ADAMTSL1: variants seen among roughly 807,000 people sequenced by gnomAD.
ADAMTSL1 encodes ADAMTS like 1.
ADAMTSL1 carries 126 observed loss-of-function variants against 201.8 expected under a neutral mutation model. The ratio of observed to expected loss-of-function variants is 0.62; its 90% CI spans 0.54 to 0.72. The LOEUF (loss-of-function observed/expected upper bound fraction) is 0.72, where lower values mean the gene tolerates loss of function less well. Ranked by LOEUF, ADAMTSL1 falls within the 30% of genes least tolerant of loss-of-function variation. The pLI, the probability that ADAMTSL1 is intolerant of heterozygous loss-of-function variation, is 0.00. For missense variants in ADAMTSL1, 2,679 were observed against 2,277.8 expected, an observed-to-expected ratio of 1.18 and a Z score of -3.59; for synonymous variants, 1,121 against 903.4, an observed-to-expected ratio of 1.24 and a Z score of -4.32.
intron 1 of ADAMTSL1, among the ~76,000 whole-genome samples, chr9:18,096,150 A>G (rs1193003798): frequency 1.3e-5 from 2 of 152,182 alleles, no homozygotes; most frequent in Non-Finnish European, 2.9e-5. Flanking sequence ...TAACAGCATC[A>G]TGTAAGTAAT....
chr9:18,374,767 A>G (rs1837208807), intron 2 of ADAMTSL1, among the ~76,000 whole-genome samples: 1 of 152,230 alleles, frequency 6.6e-6, no homozygotes, highest in Non-Finnish European at 1.5e-5. Context: ...ATGGTTTTAA[A>G]AAGCAGTAGG....
chr9:18,041,878 T>G (rs538599834), intron 1 of ADAMTSL1, among the ~76,000 whole-genome samples: 2 of 152,288 alleles, frequency 1.3e-5, no homozygotes, highest in African/African-American at 4.8e-5. Context: ...TTGCTATTCA[T>G]ACATCTGATT....
At chr9:17,923,460 A>G (rs1268280720) in intron 1 of ADAMTSL1, among the ~76,000 whole-genome samples, 4 of 151,204 alleles carry the variant, frequency 2.6e-5, no homozygotes, top group Non-Finnish European at 5.9e-5. Flanking sequence ...GTTGGTGTAT[A>G]AGAATGCTTG....
chr9:18,778,239 G>A (rs1821179262), intron 19 of ADAMTSL1, among the ~76,000 whole-genome samples: 1 of 152,214 alleles, frequency 6.6e-6, no homozygotes, highest in Non-Finnish European at 1.5e-5. Context: ...TCCAGGCCAA[G>A]GCATTATTAT....
chr9:18,428,105 G>A (rs543966631), intron 2 of ADAMTSL1, among the ~76,000 whole-genome samples: 7 of 152,172 alleles, frequency 4.6e-5, no homozygotes, highest in Admixed American at 2.0e-4. Context: ...ATCCAAGCAT[G>A]GTAAAGCAAT....
At chr9:18,134,526 G>T (rs1427886879) in intron 1 of ADAMTSL1, among the ~76,000 whole-genome samples, 1 of 152,106 alleles carries the variant, frequency 6.6e-6, no homozygotes, top group African/African-American at 2.4e-5. Flanking sequence ...AATTTGTTGA[G>T]ATGAGTTAAG....
At chr9:18,381,576 T>TAGA (rs1345352240) in intron 2 of ADAMTSL1, among the ~76,000 whole-genome samples, 1 of 152,164 alleles carries the variant, frequency 6.6e-6, no homozygotes, top group Non-Finnish European at 1.5e-5. Flanking sequence ...ATTGGGTTAA[T>TAGA]AGAACAGAAG....
chr9:18,876,798 C>T (rs1271313748), intron 23 of ADAMTSL1, among the ~76,000 whole-genome samples: 1 of 152,170 alleles, frequency 6.6e-6, no homozygotes, highest in East Asian at 1.9e-4. Context: ...GTCTAGATGT[C>T]TAGCAAGGTC....
At chr9:18,341,174 C>G (rs1488965761) in intron 2 of ADAMTSL1, among the ~76,000 whole-genome samples, 2 of 152,120 alleles carry the variant, frequency 1.3e-5, no homozygotes, top group East Asian at 3.9e-4. Context: ...TAAACCCAGA[C>G]TCCTACATGA....
chr9:18,336,774 G>C (rs928201033), intron 2 of ADAMTSL1, among the ~76,000 whole-genome samples: 1 of 152,066 alleles, frequency 6.6e-6, no homozygotes, highest in African/African-American at 2.4e-5. Flanking sequence ...TGTTGGACTA[G>C]ATTTTAGATT....
At chr9:18,154,249 C>A (rs190108650) in intron 1 of ADAMTSL1, among the ~76,000 whole-genome samples, 1 of 151,992 alleles carries the variant, frequency 6.6e-6, no homozygotes, top group African/African-American at 2.4e-5. Context: ...CCAACCCAAA[C>A]GTAGTGGTTT....
At chr9:17,946,077 TG>T (rs1489208604) in intron 1 of ADAMTSL1, among the ~76,000 whole-genome samples, 2 of 30,260 alleles carry the variant, frequency 6.6e-5, no homozygotes, top group Non-Finnish European at 1.6e-4. Context: ...TGTGTGTGTG[TG>T]TGTGTGTGTG....
intron 15 of ADAMTSL1, among the ~76,000 whole-genome samples, chr9:18,745,676 A>C (rs1272475360): frequency 6.6e-6 from 1 of 152,244 alleles, no homozygotes; most frequent in East Asian, 1.9e-4. Flanking sequence ...AGTTGTATAT[A>C]CTCATTTATA....
chr9:18,543,227 T>C (rs1188213163), intron 3 of ADAMTSL1, among the ~76,000 whole-genome samples: 2 of 152,184 alleles, frequency 1.3e-5, no homozygotes. Context: ...TTATAGGACA[T>C]TGTGGTTTGT....
chr9:18,737,937 C>T (rs1291157427), intron 15 of ADAMTSL1, among the ~76,000 whole-genome samples: 2 of 152,158 alleles, frequency 1.3e-5, no homozygotes, highest in Non-Finnish European at 2.9e-5. Context: ...CTTACTGTGT[C>T]CTTGAGCAAG....
intron 2 of ADAMTSL1, among the ~76,000 whole-genome samples, chr9:18,269,815 ACT>A (rs1354830486): frequency 6.7e-6 from 1 of 148,748 alleles, no homozygotes; most frequent in Non-Finnish European, 1.5e-5. Flanking sequence ...AAAGGGGGAA[ACT>A]CTGCAGAGAG....
At chr9:18,603,389 T>C (rs532989570) in intron 4 of ADAMTSL1, among the ~76,000 whole-genome samples, 29 of 130,280 alleles carry the variant, frequency 2.2e-4, no homozygotes, top group African/African-American at 7.6e-4. Context: ...TGCTATGCTA[T>C]GCTATGCTAT....
chr9:17,919,237 A>AT (rs1826214981), intron 1 of ADAMTSL1, among the ~76,000 whole-genome samples: 1 of 150,840 alleles, frequency 6.6e-6, no homozygotes, highest in African/African-American at 2.4e-5. Flanking sequence ...CATTATTATT[A>AT]TTTTTTCTAG....
At position 18,581,020 on chromosome 9, in the gene ADAMTSL1, A is replaced by G. The variant is rs559718744; in HGVS notation, c.474+6754A>G. On this transcript the variant is annotated intron_variant, in intron 4 of 28. Coordinates refer to ENST00000380548, the MANE Select transcript of ADAMTSL1 (RefSeq NM_001040272.6). Reference sequence around the variant, plus strand: ...ATTCCTTTACATGGTGGCTTAAAACAACAGAAATTTATTCTCCCACAGTTC... The same window carrying G: ...ATTCCTTTACATGGTGGCTTAAAACGACAGAAATTTATTCTCCCACAGTTC... Among the ~76,000 whole-genome samples the G allele has an allele frequency of 6.9e-4, 105 of 152,210 alleles. 2 individuals carry two copies. The South Asian group carries it at 7.7e-3, about 11-fold the overall frequency.
Sources: gnomAD v4.1 joint callset for allele counts (sites outside exome capture counted in the v4.1 genomes callset) on GRCh38, gnomAD v4.1.1 for gene constraint, MANE v1.5 for transcripts, NCBI Gene and HGNC (gene_info 2026-07-23, HGNC 2026-07-21) for gene names.